Variants in LINGO1 observed in about 807,000 individuals in gnomAD.
LINGO1 encodes leucine rich repeat and Ig domain containing 1, also known as leucine-rich repeat and immunoglobulin-like domain-containing nogo receptor-interacting protein 1.
Under a neutral mutation model 37.3 loss-of-function variants are expected in LINGO1, and 11 were observed. The observed-to-expected ratio is 0.29, with a 90% CI of 0.19 to 0.49. The LOEUF (loss-of-function observed/expected upper bound fraction) is 0.49. LINGO1 is among the 20% of genes least tolerant of loss of function. The pLI is 0.99. For synonymous variants in LINGO1, 387 were observed against 403.0 expected (o/e 0.96, Z 0.48); for missense variants, 585 against 878.2 (o/e 0.67, Z 4.22).
chr15:77,630,388 T>C (rs1347193168), intron 1 of LINGO1, among the ~76,000 whole-genome samples: 3 of 152,184 alleles, frequency 2.0e-5, no homozygotes, highest in Admixed American at 1.3e-4. Context: ...GGATCCCGTC[T>C]AGCCTCATGC....
intron 2 of LINGO1, among the ~76,000 whole-genome samples, chr15:77,684,299 G>C (rs942251571): frequency 2.6e-5 from 4 of 152,210 alleles, no homozygotes; most frequent in Admixed American, 6.5e-5. Context: ...CTCTGAGATA[G>C]GTTTATTATC....
chr15:77,637,517 G>A (rs2074419515), upstream of LINGO1, among the ~76,000 whole-genome samples: 1 of 152,164 alleles, frequency 6.6e-6, no homozygotes, highest in South Asian at 2.1e-4. This position sits in a 1 kb window ranked among gnomAD's most constrained non-coding sequence, Gnocchi z 4.6. Flanking sequence ...CTGAGTCTCA[G>A]TTTCCTCCTC....
Position 77,615,134 on chromosome 15 carries a change from T to G in LINGO1, c.773A>C (p.Asn258Thr), listed in dbSNP as rs77436810. ...CGTCAGGTTGAGGCCGTAGAGGCAG[T>G]TGGGTGTCATGGTGTCCAAGTAGGG... is the stretch of plus-strand genomic sequence containing the variant. ...HWPYLDTMTP[N>T]CLYGLNLTSL... Residue 258 changes from asparagine (N) to threonine (T), a missense_variant, in exon 2 of 2, where the codon AAC becomes ACC. Physicochemically the swap from Asn to Thr is moderately conservative, Grantham distance 65 (BLOSUM62 0). Around this residue, in one of 4 missense-constraint regions of LINGO1, gnomAD observed 484 missense variants for 735.0 expected, o/e 0.66. Coordinates refer to ENST00000355300, the MANE Select transcript of LINGO1 (RefSeq NM_032808.7). 6.2e-7 allele frequency: 1 copy of G among 1,613,830 alleles called. No homozygotes were observed. Among genetic ancestry groups the G allele is most frequent in the Non-Finnish European group, 8.5e-7 (1 of 1,179,840 alleles).
chr15:77,767,299 G>T (rs1476502653), intron 1 of LINGO1, among the ~76,000 whole-genome samples: 1 of 152,156 alleles, frequency 6.6e-6, no homozygotes, highest in Non-Finnish European at 1.5e-5. Context: ...AGAGAGAGGG[G>T]CTCCTTTAAA....
chr15:77,616,715 A>T (rs1224083755), intron 1 of LINGO1, among the ~76,000 whole-genome samples: 1 of 152,096 alleles, frequency 6.6e-6, no homozygotes, highest in African/African-American at 2.4e-5. Flanking sequence ...GACCCAGCTC[A>T]GGCTCCTGAG....
chr15:77,713,541 G>C (rs551694524), intron 2 of LINGO1, among the ~76,000 whole-genome samples: 1 of 151,992 alleles, frequency 6.6e-6, no homozygotes, highest in Non-Finnish European at 1.5e-5. Flanking sequence ...CTGGCACAGG[G>C]AGTCTTGTAG....
intron 2 of LINGO1, among the ~76,000 whole-genome samples, chr15:77,707,189 A>G (rs2075863302): frequency 6.6e-6 from 1 of 152,164 alleles, no homozygotes. Context: ...CAGGAGAGAG[A>G]GAGGGAGAAG....
At chr15:77,766,326 CAG>C (rs1246264253) in intron 1 of LINGO1, among the ~76,000 whole-genome samples, 6 of 102,576 alleles carry the variant, frequency 5.8e-5, no homozygotes, top group African/African-American at 1.2e-4. Context: ...AACACACAAA[CAG>C]AGAGAGAGAG....
upstream of LINGO1, among the ~76,000 whole-genome samples, chr15:77,697,212 C>CG (rs1282835446): frequency 1.3e-5 from 2 of 152,232 alleles, no homozygotes; most frequent in Middle Eastern, 3.4e-3. Flanking sequence ...CGGGGTCAGG[C>CG]GGGGGCAGAA....
chr15:77,816,051 C>G (rs1002452356), intron 1 of LINGO1, among the ~76,000 whole-genome samples: 1 of 152,180 alleles, frequency 6.6e-6, no homozygotes, highest in Non-Finnish European at 1.5e-5. Context: ...CAATTATTTA[C>G]TGAGCATAGA....
intron 2 of LINGO1, among the ~76,000 whole-genome samples, chr15:77,707,003 C>T (rs1002262195): frequency 1.3e-5 from 2 of 152,230 alleles, no homozygotes; most frequent in African/African-American, 2.4e-5. Flanking sequence ...GGATGCCACA[C>T]GGATTCCCTG....
At chr15:77,626,640 G>T (rs2074097934) in intron 1 of LINGO1, among the ~76,000 whole-genome samples, 1 of 152,196 alleles carries the variant, frequency 6.6e-6, no homozygotes, top group Non-Finnish European at 1.5e-5. Context: ...AATCTCTAAG[G>T]AGCTTATCAA....
chr15:77,759,695 G>A (rs570094788), intron 1 of LINGO1, among the ~76,000 whole-genome samples: 3 of 152,352 alleles, frequency 2.0e-5, no homozygotes, highest in East Asian at 1.9e-4. Flanking sequence ...AGACAGTGAC[G>A]CACTGGAGCC....
intron 1 of LINGO1, among the ~76,000 whole-genome samples, chr15:77,616,253 G>A (rs1382163071): frequency 6.6e-6 from 1 of 152,178 alleles, no homozygotes; most frequent in Non-Finnish European, 1.5e-5. Flanking sequence ...CAGCTCCCCT[G>A]GTGCTCATCA....
chr15:77,752,469 C>T (rs1398643118), intron 1 of LINGO1, among the ~76,000 whole-genome samples: 1 of 152,222 alleles, frequency 6.6e-6, no homozygotes, highest in African/African-American at 2.4e-5. Context: ...CAGCAAGAGG[C>T]CTTCTCCGGC....
chr15:77,720,327 C>T (rs1291605166), intron 2 of LINGO1, among the ~76,000 whole-genome samples: 6 of 152,250 alleles, frequency 3.9e-5, no homozygotes, highest in African/African-American at 1.2e-4. Context: ...CGGCCTGTCC[C>T]GCCCCAATGG....
chr15:77,750,978 G>C (rs957945943), intron 1 of LINGO1, among the ~76,000 whole-genome samples: 5 of 152,178 alleles, frequency 3.3e-5, no homozygotes, highest in Non-Finnish European at 5.9e-5. Flanking sequence ...CCTCTGAGTT[G>C]GGGCGAGGAG....
chr15:77,664,152 T>TGTGC (rs1307409294), intron 3 of LINGO1, among the ~76,000 whole-genome samples: 8 of 135,006 alleles, frequency 5.9e-5, no homozygotes, highest in Non-Finnish European at 1.1e-4. Flanking sequence ...TGTGTGTGTG[T>TGTGC]GTGTGTGTGT....
upstream of LINGO1, among the ~76,000 whole-genome samples, chr15:77,636,337 G>A (rs1472294443): frequency 2.6e-5 from 4 of 152,196 alleles, no homozygotes; most frequent in Non-Finnish European, 5.9e-5. Flanking sequence ...CCAGCAGCTC[G>A]CAGGGTTTTA....
Sources: gnomAD v4.1 joint callset for allele counts (sites outside exome capture counted in the v4.1 genomes callset) on GRCh38, gnomAD v4.1.1 for gene constraint, gnomAD v4.1.1 regional missense constraint, Gnocchi (gnomAD v3.1) non-coding constraint, MANE v1.5 for transcripts, NCBI Gene and HGNC (gene_info 2026-07-23, HGNC 2026-07-21) for gene names.